Variants in ADARB2 observed in about 807,000 individuals in gnomAD.
ADARB2 encodes the protein inactive double-stranded RNA-specific editase B2.
ADARB2 carries 25 observed loss-of-function variants against 62.2 expected under a neutral mutation model. The ratio of observed to expected loss-of-function variants is 0.40; its 90% CI spans 0.29 to 0.56. ADARB2 has a LOEUF of 0.56. Ranked by LOEUF, ADARB2 falls within the 20% of genes least tolerant of loss-of-function variation. The pLI is 0.43. For missense variants in ADARB2, 1,071 were observed against 1,077.4 expected, an observed-to-expected ratio of 0.99 and a Z score of 0.08; for synonymous variants, 572 against 500.8, an observed-to-expected ratio of 1.14 and a Z score of -1.90.
chr10:1,294,380 C>G (rs1220061198), intron 3 of ADARB2, among the ~76,000 whole-genome samples: 1 of 152,190 alleles, frequency 6.6e-6, no homozygotes, highest in Non-Finnish European at 1.5e-5. Flanking sequence ...TGGCTCCTCA[C>G]TTACCCATCT....
At chr10:1,367,747 C>T (rs10794740) in intron 2 of ADARB2, among the ~76,000 whole-genome samples, 19,419 of 152,226 alleles carry the variant, frequency 0.13, 1,829 homozygotes, top group East Asian at 0.45. Context: ...TGGGGATGGA[C>T]GAGACTGTCA....
intron 1 of ADARB2, among the ~76,000 whole-genome samples, chr10:1,656,818 T>C (rs1834177194): frequency 6.6e-6 from 1 of 152,212 alleles, no homozygotes; most frequent in African/African-American, 2.4e-5. Context: ...AAATTAAAAT[T>C]ATCTTCAAGG....
intron 3 of ADARB2, among the ~76,000 whole-genome samples, chr10:1,300,400 G>A (rs766664294): frequency 2.0e-5 from 3 of 151,762 alleles, no homozygotes; most frequent in East Asian, 3.9e-4. Context: ...CCAGCTCCAC[G>A]CCCCCCACAC....
chr10:1,649,912 T>C (rs867175443), intron 1 of ADARB2, among the ~76,000 whole-genome samples: 1 of 152,222 alleles, frequency 6.6e-6, no homozygotes, highest in Non-Finnish European at 1.5e-5. Flanking sequence ...TCTGAAATCA[T>C]GAGGGAGTGG....
chr10:1,196,495 A>G (rs1836914092), intron 8 of ADARB2, among the ~76,000 whole-genome samples: 1 of 152,144 alleles, frequency 6.6e-6, no homozygotes, highest in Non-Finnish European at 1.5e-5. Context: ...AATGTAATTA[A>G]GTTCGTTGCT....
At chr10:1,412,207 G>C (rs903027383) in intron 1 of ADARB2, among the ~76,000 whole-genome samples, 1 of 152,130 alleles carries the variant, frequency 6.6e-6, no homozygotes. Context: ...TGCATCCTGC[G>C]AGCCCGGAGA....
chr10:1,219,831 G>GTGGTGATGATGATGGTGA (rs1564224991), intron 6 of ADARB2, among the ~76,000 whole-genome samples: 1 of 133,682 alleles, frequency 7.5e-6, no homozygotes, highest in South Asian at 2.3e-4. Context: ...GGTAATGATG[G>GTGGTGATGATGATGGTGA]TGGTGATGAT....
At chr10:1,645,309 A>G (rs1382552784) in intron 1 of ADARB2, among the ~76,000 whole-genome samples, 1 of 152,210 alleles carries the variant, frequency 6.6e-6, no homozygotes, top group Non-Finnish European at 1.5e-5. Context: ...GGCAGAATCC[A>G]AAAAGACTGA....
At chr10:1,410,372 C>T (rs1474380598) in intron 1 of ADARB2, among the ~76,000 whole-genome samples, 13 of 152,168 alleles carry the variant, frequency 8.5e-5, no homozygotes, top group Admixed American at 8.5e-4. Flanking sequence ...GAAGGATTCT[C>T]CTCGCTGCTG....
At chr10:1,719,697 A>AAAAAAC (rs1415626499) in intron 1 of ADARB2, among the ~76,000 whole-genome samples, 1 of 152,240 alleles carries the variant, frequency 6.6e-6, no homozygotes, top group East Asian at 1.9e-4. Flanking sequence ...ATCAACAAGC[A>AAAAAAC]AAAAACAAAC....
intron 4 of ADARB2, among the ~76,000 whole-genome samples, chr10:1,258,569 G>A (rs1456035860): frequency 6.6e-6 from 1 of 152,170 alleles, no homozygotes; most frequent in Non-Finnish European, 1.5e-5. Context: ...TTACATAATG[G>A]TAAAGGGATC....
chr10:1,403,314 C>T (rs1402958644), intron 1 of ADARB2, among the ~76,000 whole-genome samples: 5 of 152,168 alleles, frequency 3.3e-5, no homozygotes, highest in South Asian at 2.1e-4. Context: ...GCTTGGAGTC[C>T]CCCATGTGTA....
intron 1 of ADARB2, among the ~76,000 whole-genome samples, chr10:1,693,305 G>A (rs973605225): frequency 6.2e-4 from 94 of 152,178 alleles, no homozygotes; most frequent in African/African-American, 2.0e-3. Context: ...TGTCAAGGCC[G>A]CCATGTCTAG....
Position 1,477,101 on chromosome 10 carries a change from C to T in ADARB2, c.101-97941G>A, listed in dbSNP as rs117351868. ...GCCACGCAAGGGCACCCTCCCACTG[C>T]GCAGCACTGCCTCTCACTCATGGCT... On this transcript the variant is annotated intron_variant, in intron 1 of 9. Coordinates refer to ENST00000381312, the MANE Select transcript of ADARB2 (RefSeq NM_018702.4). The surrounding 1 kb of genome is among the most constrained non-coding windows in gnomAD (Gnocchi z 4.5). Among the ~76,000 whole-genome samples the T allele has an allele frequency of 0.029, 4,408 of 152,224 alleles. 143 individuals carry two copies. The highest frequency in any genetic ancestry group is 0.14 in the East Asian group (716 of 5,160).
Position 1,605,021 on chromosome 10 carries a change from C to T in ADARB2, c.100+132030G>A, listed in dbSNP as rs115338832. On this transcript the variant is annotated intron_variant, in intron 1 of 9. Coordinates refer to ENST00000381312, the MANE Select transcript of ADARB2 (RefSeq NM_018702.4). Reference sequence around the variant, plus strand: ...ATTTTCCATGCAATTATTTTTGTAACAGCAGAATAAACCCATTTATCTAAT... The same window carrying T: ...ATTTTCCATGCAATTATTTTTGTAATAGCAGAATAAACCCATTTATCTAAT... Among the ~76,000 whole-genome samples, 717 of 152,334 alleles carry T rather than the reference C, an allele frequency of 4.7e-3. 2 individuals carry two copies. Among genetic ancestry groups the T allele is most frequent in the African/African-American group, 0.016 (659 of 41,576 alleles).
Position 1,541,148 on chromosome 10 carries a change from C to T in ADARB2, c.101-161988G>A, listed in dbSNP as rs1156712801. Among the ~76,000 whole-genome samples, 2 of 82,726 alleles carry T rather than the reference C, an allele frequency of 2.4e-5. 1 individual carries two copies. The highest frequency in any genetic ancestry group is 4.9e-5 in the Non-Finnish European group (2 of 40,638). The allele number at this position is 82,726 out of a possible 152,430, so 54.3% of individuals were successfully genotyped here. On this transcript the variant is annotated intron_variant, in intron 1 of 9. Transcript: ENST00000381312. Reference sequence around the variant, plus strand: ...CGCAGTTCAGACCCTGGATCACAGCCGTCCAGACCCCACTCACACTCAGTT... The same window carrying T: ...CGCAGTTCAGACCCTGGATCACAGCTGTCCAGACCCCACTCACACTCAGTT...
At chr10:1,485,195 T>C (rs987392219) in intron 1 of ADARB2, among the ~76,000 whole-genome samples, 1 of 152,046 alleles carries the variant, frequency 6.6e-6, no homozygotes, top group Non-Finnish European at 1.5e-5. Context: ...TGTAGGTATG[T>C]AGGTGGATCT....
intron 1 of ADARB2, among the ~76,000 whole-genome samples, chr10:1,414,355 G>A (rs752580549): frequency 6.6e-6 from 1 of 152,186 alleles, no homozygotes; most frequent in African/African-American, 2.4e-5. Flanking sequence ...ACCAAGCTCT[G>A]TGCTAAAGGG....
At chr10:1,472,016 C>T (rs1447047368) in intron 1 of ADARB2, among the ~76,000 whole-genome samples, 1 of 152,160 alleles carries the variant, frequency 6.6e-6, no homozygotes, top group African/African-American at 2.4e-5. Context: ...ATAATTCAAT[C>T]CACACTATAC....
Sources: allele counts gnomAD v4.1 joint callset (sites outside exome capture counted in the v4.1 genomes callset), GRCh38; gene constraint gnomAD v4.1.1; non-coding constraint Gnocchi (gnomAD v3.1); transcripts MANE v1.5; gene names NCBI Gene and HGNC (gene_info 2026-07-23, HGNC 2026-07-21).